The following FBXL7 variants were observed in gnomAD, a reference collection of about 807,000 sequenced individuals.
FBXL7 encodes the protein F-box and leucine rich repeat protein 7, also known as F-box/LRR-repeat protein 7.
FBXL7 carries 12 observed loss-of-function variants against 38.3 expected under a neutral mutation model. The ratio of observed to expected loss-of-function variants is 0.31; its 90% CI spans 0.20 to 0.51. The LOEUF (loss-of-function observed/expected upper bound fraction) is 0.51, where lower values mean the gene tolerates loss of function less well. Among genes scored for constraint, FBXL7 ranks in the 20% least tolerant of loss-of-function variants. The pLI, the probability that FBXL7 is intolerant of heterozygous loss-of-function variation, is 0.98. For synonymous variants in FBXL7, 297 were observed against 300.9 expected (o/e 0.99, Z 0.13); for missense variants, 567 against 676.4 (o/e 0.84, Z 1.79).
intron 2 of FBXL7, among the ~76,000 whole-genome samples, chr5:15,742,569 C>A (rs2126676542): frequency 6.6e-6 from 1 of 152,284 alleles, no homozygotes; most frequent in Admixed American, 6.5e-5. Flanking sequence ...TGTAGGTGAC[C>A]TATGCTGATG....
chr5:15,895,537 A>C (rs1192811329), intron 2 of FBXL7, among the ~76,000 whole-genome samples: 1 of 150,942 alleles, frequency 6.6e-6, no homozygotes, highest in Non-Finnish European at 1.5e-5. Context: ...TGAATATTTC[A>C]TTTGCAAACA....
chr5:15,622,506 A>C (rs1018821049), intron 2 of FBXL7, among the ~76,000 whole-genome samples: 3 of 151,958 alleles, frequency 2.0e-5, no homozygotes, highest in Non-Finnish European at 4.4e-5. Flanking sequence ...TCATTGTTCA[A>C]TTCCCACCTA....
chr5:15,608,608 AT>A (rs1740112877), intron 1 of FBXL7, among the ~76,000 whole-genome samples: 1 of 152,214 alleles, frequency 6.6e-6, no homozygotes, highest in Non-Finnish European at 1.5e-5. Flanking sequence ...AAAGGAGATT[AT>A]CTCTGAAAAT....
chr5:15,734,575 C>T (rs1310614702), intron 2 of FBXL7, among the ~76,000 whole-genome samples: 1 of 152,244 alleles, frequency 6.6e-6, no homozygotes, highest in Non-Finnish European at 1.5e-5. Context: ...TAACCCTTCC[C>T]TCTCTCTTTT....
chr5:15,882,952 C>G (rs1380023205), intron 2 of FBXL7, among the ~76,000 whole-genome samples: 4 of 113,352 alleles, frequency 3.5e-5, no homozygotes, highest in African/African-American at 7.2e-5. Context: ...TCTGATATAT[C>G]ACTTTAATCA....
chr5:15,802,496 C>T (rs549264862), intron 2 of FBXL7, among the ~76,000 whole-genome samples: 64 of 152,120 alleles, frequency 4.2e-4, no homozygotes, highest in Middle Eastern at 3.4e-3. Flanking sequence ...AGCTTAGCCC[C>T]GCCTCAGGAC....
intron 2 of FBXL7, among the ~76,000 whole-genome samples, chr5:15,736,305 A>T (rs1735746159): frequency 6.6e-6 from 1 of 152,194 alleles, no homozygotes; most frequent in South Asian, 2.1e-4. Context: ...AGCAATCATA[A>T]ATTTAACATA....
At chr5:15,702,982 G>A (rs556237796) in intron 2 of FBXL7, among the ~76,000 whole-genome samples, 2 of 152,260 alleles carry the variant, frequency 1.3e-5, no homozygotes, top group South Asian at 4.1e-4. Flanking sequence ...GCCAGGATGA[G>A]CCAGGAGAAG....
Position 15,500,630 on chromosome 5 carries a change from C to T in FBXL7, c.-47C>T, listed in dbSNP as rs376917463. 4.4e-4 allele frequency: 710 copies of T among 1,612,822 alleles called. 10 individuals carry two copies. The East Asian group carries it at 0.01, about 23-fold the overall frequency. On this transcript the variant is annotated 5_prime_UTR_variant, in exon 1 of 4. Coordinates refer to ENST00000504595, the MANE Select transcript of FBXL7 (RefSeq NM_012304.5). ...CGGGCCGAGCGCGCAGGACGTGCGC[C>T]GCAGCTATGGAGTGTCCCGGGAGAC... is the stretch of plus-strand genomic sequence containing the variant.
At chr5:15,745,648 G>A (rs1287876478) in intron 2 of FBXL7, among the ~76,000 whole-genome samples, 1 of 152,160 alleles carries the variant, frequency 6.6e-6, no homozygotes, top group Non-Finnish European at 1.5e-5. Flanking sequence ...CAGGCAGAAG[G>A]AAGCAAAATT....
chr5:15,893,048 A>G (rs1366410993), intron 2 of FBXL7, among the ~76,000 whole-genome samples: 14 of 151,440 alleles, frequency 9.2e-5, no homozygotes, highest in African/African-American at 2.9e-4. Flanking sequence ...CCTGGGAGGC[A>G]GAGCTTGCAG....
At chr5:15,802,657 T>C (rs1037536179) in intron 2 of FBXL7, among the ~76,000 whole-genome samples, 5 of 127,284 alleles carry the variant, frequency 3.9e-5, no homozygotes, top group Non-Finnish European at 7.8e-5. Context: ...CACATCATCC[T>C]TTTTTTTTTT....
rs1317717303 is a variant in FBXL7 at position 15,852,684 on chromosome 5, G to GAA, written c.128-75195_128-75194dup. Among the ~76,000 whole-genome samples the GAA allele has an allele frequency of 2.5e-3, 354 of 142,144 alleles. 2 individuals carry two copies. The highest frequency in any genetic ancestry group is 8.7e-3 in the African/African-American group (341 of 39,044). The allele number at this position is 142,144 out of a possible 152,430, so 93.3% of individuals were successfully genotyped here. A position where few individuals can be genotyped will look rare whatever the true frequency, so the allele number is the denominator to read the frequency against. On this transcript the variant is annotated intron_variant, in intron 2 of 3. Coordinates refer to ENST00000504595, the MANE Select transcript of FBXL7 (RefSeq NM_012304.5). ...GAATCATCTGAAATAGTTTCCCCTG[G>GAA]AAAAAAAAAAAACATGGCCATATAT... is the stretch of plus-strand genomic sequence containing the variant.
chr5:15,768,056 T>A (rs1736635756), intron 2 of FBXL7, among the ~76,000 whole-genome samples: 1 of 152,230 alleles, frequency 6.6e-6, no homozygotes. Flanking sequence ...CTCACTGCTT[T>A]GGTTAACAAG....
intron 2 of FBXL7, among the ~76,000 whole-genome samples, chr5:15,846,760 T>C (rs1394844634): frequency 6.6e-6 from 1 of 152,066 alleles, no homozygotes; most frequent in African/African-American, 2.4e-5. Context: ...TTGTAACAGA[T>C]GAAAAAAGAG....
chr5:15,927,785 A>AAAAAT, intron 2 of FBXL7, 105 bp from the exon 3 acceptor site: 4 of 801,032 alleles, frequency 5.0e-6, no homozygotes, highest in Non-Finnish European at 5.0e-6. Flanking sequence ...AAAAAAAAAA[A>AAAAAT]AAGAAGAAGA....
At chr5:15,761,779 C>G (rs542386697) in intron 2 of FBXL7, among the ~76,000 whole-genome samples, 1 of 152,076 alleles carries the variant, frequency 6.6e-6, no homozygotes, top group Non-Finnish European at 1.5e-5. Flanking sequence ...CTCCTGGACT[C>G]GAGTGATCTG....
At chr5:15,588,151 C>T (rs1265549153) in intron 1 of FBXL7, among the ~76,000 whole-genome samples, 1 of 152,066 alleles carries the variant, frequency 6.6e-6, no homozygotes, top group Non-Finnish European at 1.5e-5. Context: ...CAGTTGAATC[C>T]AAAGATTTAT....
At chr5:15,659,272 T>A (rs1163084659) in intron 2 of FBXL7, among the ~76,000 whole-genome samples, 1 of 151,574 alleles carries the variant, frequency 6.6e-6, no homozygotes, top group Non-Finnish European at 1.5e-5. Context: ...AAACAGGCAA[T>A]GCAGTGAAGG....
Sources: gnomAD v4.1 joint callset for allele counts (sites outside exome capture counted in the v4.1 genomes callset) on GRCh38, gnomAD v4.1.1 for gene constraint, MANE v1.5 for transcripts, NCBI Gene and HGNC (gene_info 2026-07-23, HGNC 2026-07-21) for gene names.